The following TNXB variants were observed in gnomAD, a reference collection of about 807,000 sequenced individuals.
The protein encoded by TNXB is tenascin-X.
TNXB carries 183 observed loss-of-function variants against 340.5 expected under a neutral mutation model. That is an observed-to-expected ratio of 0.54 (90% CI 0.48 to 0.61). The LOEUF is 0.61. TNXB is among the 20% of genes least tolerant of loss of function. The pLI is 0.00. For synonymous variants in TNXB, 2,121 were observed against 2,314.5 expected, an observed-to-expected ratio of 0.92 and a Z score of 2.40; for missense variants, 4,613 against 5,446.4, an observed-to-expected ratio of 0.85 and a Z score of 4.82.
intron 11 of TNXB, among the ~76,000 whole-genome samples, chr6:32,077,406 A>C (rs1779138854): frequency 1.3e-5 from 2 of 152,394 alleles, no homozygotes; most frequent in South Asian, 4.1e-4. Flanking sequence ...AATTACAGAA[A>C]CCATGTTCTG....
At position 32,084,513 on chromosome 6, in the gene TNXB, G is replaced by A. The variant is rs370808102; in HGVS notation, c.3345C>T (p.Ala1115=). ...GGCCAGGATCCAGGGAGGTGATGAC[G>A]GCCGAGCGCTGGGGTCCTTCCACGG... ...VVPVEGPQRS[A]VITSLDPGRK... Residue 1115 remains alanine, a synonymous_variant, in exon 8 of 44, where the codon GCC becomes GCT. Coordinates refer to ENST00000644971, the MANE Select transcript of TNXB (RefSeq NM_001365276.2). This position sits in a 1 kb window ranked among gnomAD's most constrained non-coding sequence, Gnocchi z 5.5. 317 of 1,608,918 alleles carry A rather than the reference G, an allele frequency of 2.0e-4. No homozygotes were observed. The highest frequency in any genetic ancestry group is 1.8e-3 in the African/African-American group (135 of 75,006).
chr6:32,102,462 A>G lies in TNXB; in HGVS notation c.-8-4256T>C, dbSNP rs117481809. Reference sequence around the variant, plus strand: ...ACTATACAGCAATAAAAAACACCCTATTGCTACATGCAACATGGGTGAATT... The same window carrying G: ...ACTATACAGCAATAAAAAACACCCTGTTGCTACATGCAACATGGGTGAATT... On this transcript the variant is annotated intron_variant, in intron 1 of 43. Transcript: ENST00000644971. 4.8e-3 allele frequency among the ~76,000 whole-genome samples: 736 copies of G among 152,352 alleles called. 5 individuals carry two copies. The highest frequency in any genetic ancestry group is 0.02 in the Middle Eastern group (6 of 294).
At position 32,084,357 on chromosome 6, in the gene TNXB, C is replaced by G. The variant is rs545309809; in HGVS notation, c.3445+56G>C. The G allele has an allele frequency of 6.7e-7, 1 of 1,483,800 alleles. No individual in the cohort carries two copies. Among genetic ancestry groups the G allele is most frequent in the African/African-American group, 1.4e-5 (1 of 71,826 alleles). 91.9% of individuals were successfully genotyped at this position (1,483,800 alleles called of 1,614,324 possible). A position where few individuals can be genotyped will look rare whatever the true frequency, so the allele number is the denominator to read the frequency against. ...GCTCCCAAAGCAGGTTCCCAAAGCACTGAGAAAACCTCTTCAGGGCAGTAC... is the reference window on the plus strand; with the variant it reads ...GCTCCCAAAGCAGGTTCCCAAAGCAGTGAGAAAACCTCTTCAGGGCAGTAC... On this transcript the variant is annotated intron_variant, in intron 8 of 43. Transcript: ENST00000644971. The surrounding 1 kb of genome is among the most constrained non-coding windows in gnomAD (Gnocchi z 5.5).
At chr6:32,054,324 C>T (rs902166628) in intron 24 of TNXB, among the ~76,000 whole-genome samples, 1 of 152,214 alleles carries the variant, frequency 6.6e-6, no homozygotes, top group African/African-American at 2.4e-5. Flanking sequence ...CACACAGGCA[C>T]AGCTGCTGGG....
At position 32,085,691 on chromosome 6, in the gene TNXB, A is replaced by G. The variant is rs1201429115; in HGVS notation, c.3148+59T>C. 1.4e-6 allele frequency: 2 copies of G among 1,473,846 alleles called. No homozygotes were observed. Among genetic ancestry groups the G allele is most frequent in the Non-Finnish European group, 1.8e-6 (2 of 1,111,494 alleles). 91.3% of individuals were successfully genotyped at this position (1,473,846 alleles called of 1,614,324 possible). A position where few individuals can be genotyped will look rare whatever the true frequency, so the allele number is the denominator to read the frequency against. ...TATCCATCCTACCTCTGAAGTCCCA[A>G]TAACCCCAGCTCCTCCCCCAATCTC... On this transcript the variant is annotated intron_variant, in intron 7 of 43. Transcript: ENST00000644971. This position sits in a 1 kb window ranked among gnomAD's most constrained non-coding sequence, Gnocchi z 6.4.
intron 13 of TNXB, among the ~76,000 whole-genome samples, chr6:32,071,461 C>T (rs933809644): frequency 9.2e-5 from 14 of 152,126 alleles, no homozygotes; most frequent in Admixed American, 2.0e-4. Flanking sequence ...CCTGTAGGGG[C>T]TTCCCTCATC....
rs761274803 is a variant in TNXB, at chr6:32,087,342, G to T, written c.2780-1224C>A. 1 of 484,474 alleles carries T rather than the reference G, an allele frequency of 2.1e-6. No individual in the cohort carries two copies. Among genetic ancestry groups the T allele is most frequent in the Admixed American group, 2.2e-5 (1 of 45,996 alleles). 30.0% of individuals were successfully genotyped at this position (484,474 alleles called of 1,614,324 possible). A position where few individuals can be genotyped will look rare whatever the true frequency, so the allele number is the denominator to read the frequency against. On this transcript the variant is annotated intron_variant, in intron 6 of 43. Coordinates refer to ENST00000644971, the MANE Select transcript of TNXB (RefSeq NM_001365276.2). The surrounding 1 kb of genome is among the most constrained non-coding windows in gnomAD (Gnocchi z 9.0). ...GGTAGGTGGTGCCGGGCCTGAGGTC[G>T]GGCAGGCTGACGGTGCGCGTGGTGC...
chr6:32,092,760 G>A (rs1780137963), intron 4 of TNXB, among the ~76,000 whole-genome samples: 1 of 152,156 alleles, frequency 6.6e-6, no homozygotes, highest in Non-Finnish European at 1.5e-5. Flanking sequence ...AAGGTACGAT[G>A]CCAGGGACCA....
chr6:32,104,134 G>A (rs1780862400), intron 1 of TNXB, among the ~76,000 whole-genome samples: 1 of 152,160 alleles, frequency 6.6e-6, no homozygotes, highest in Non-Finnish European at 1.5e-5. Flanking sequence ...CCAAGTAAGT[G>A]AATTTTACTC....
At chr6:32,044,271 C>T in intron 33 of TNXB, 110 bp downstream of exon 33, 3 of 534,738 alleles carry the variant, frequency 5.6e-6, no homozygotes, top group South Asian at 2.1e-5. Flanking sequence ...CTGCAGATTC[C>T]TCCAGGCCCA....
chr6:32,067,539 C>A lies in TNXB; in HGVS notation c.6544+122G>T. 1 of 1,328,436 alleles carries A rather than the reference C, an allele frequency of 7.5e-7. No homozygotes were observed. The allele number at this position is 1,328,436 out of a possible 1,614,324, so 82.3% of individuals were successfully genotyped here. A position where few individuals can be genotyped will look rare whatever the true frequency, so the allele number is the denominator to read the frequency against. ...TCCCCAGATCACACCTGTCCTGAGC[C>A]TTTAGTGAACAGGGTGTATTACAGG... On this transcript the variant is annotated intron_variant, in intron 18 of 43. Coordinates refer to ENST00000644971, the MANE Select transcript of TNXB (RefSeq NM_001365276.2). The surrounding 1 kb of genome is among the most constrained non-coding windows in gnomAD (Gnocchi z 4.2).
At chr6:32,106,460 ATG>A (rs1780985385) in intron 1 of TNXB, among the ~76,000 whole-genome samples, 2 of 151,768 alleles carry the variant, frequency 1.3e-5, no homozygotes, top group Admixed American at 1.3e-4. Flanking sequence ...GGAGTGGGGG[ATG>A]TGTCACTGGT....
intron 1 of TNXB, among the ~76,000 whole-genome samples, chr6:32,102,256 A>T (rs1377881477): frequency 1.3e-5 from 2 of 152,174 alleles, no homozygotes; most frequent in African/African-American, 2.4e-5. Flanking sequence ...GCTAAAACAT[A>T]TAGTCTATAA....
At position 32,095,893 on chromosome 6, in the gene TNXB, C is replaced by T. The variant is rs377456122; in HGVS notation, c.1960G>A (p.Ala654Thr). 1.2e-6 allele frequency: 2 copies of T among 1,612,666 alleles called. No homozygotes were observed. The highest frequency in any genetic ancestry group is 1.7e-6 in the Non-Finnish European group (2 of 1,179,458). ...GPTCATRMCP[A>T]DCRGRGRCVQ... ...CACCGCCCACGTCCCCGGCAGTCAGCCGGGCACATGCGGGTGGCACAGGTA... is the reference window on the plus strand; with the variant it reads ...CACCGCCCACGTCCCCGGCAGTCAGTCGGGCACATGCGGGTGGCACAGGTA... Residue 654 changes from alanine to threonine, a missense_variant, in exon 3 of 44, where the codon GCT (alanine) becomes ACT (threonine). By Grantham distance (58) the Ala-to-Thr change is moderately conservative (BLOSUM62 0). Around this residue, in one of 7 missense-constraint regions of TNXB, gnomAD observed 4,327 missense variants for 4,859.4 expected, o/e 0.89. Transcript: ENST00000644971.
chr6:32,079,054 C>A lies in TNXB; in HGVS notation c.4354G>T (p.Val1452Leu), dbSNP rs542750932. 6.2e-7 allele frequency: 1 copy of A among 1,612,612 alleles called. No homozygotes were observed. The highest frequency in any genetic ancestry group is 8.5e-7 in the Non-Finnish European group (1 of 1,179,538). ...TCACCTGTCACGCCCACGGCGGACACCGGGCCCACGCGCTGCCCCTCGTGG... is the reference window on the plus strand; with the variant it reads ...TCACCTGTCACGCCCACGGCGGACAACGGGCCCACGCGCTGCCCCTCGTGG... ...GLHEGQRVGPVSAVGVTAPQQ... is the reference protein window; with the variant it reads ...GLHEGQRVGPLSAVGVTAPQQ... Residue 1452 changes from valine to leucine, a missense_variant, in exon 11 of 44, where the codon GTG becomes TTG. Physicochemically the swap from Val to Leu is conservative, Grantham distance 32. Coordinates refer to ENST00000644971, the MANE Select transcript of TNXB (RefSeq NM_001365276.2). The surrounding 1 kb of genome is among the most constrained non-coding windows in gnomAD (Gnocchi z 7.1).
Position 32,052,589 on chromosome 6 carries a change from G to C in TNXB, c.9115+81C>G. Reference sequence around the variant, plus strand: ...CACAAAGGAAGGAATACTCTTCAGAGTATGTTTTCACGAAGACTGGAGAGA... The same window carrying C: ...CACAAAGGAAGGAATACTCTTCAGACTATGTTTTCACGAAGACTGGAGAGA... On this transcript the variant is annotated intron_variant, in intron 26 of 43. Transcript: ENST00000644971. This position sits in a 1 kb window ranked among gnomAD's most constrained non-coding sequence, Gnocchi z 4.7. 6.5e-7 allele frequency: 1 copy of C among 1,543,530 alleles called. No homozygotes were observed. The highest frequency in any genetic ancestry group is 1.2e-5 in the South Asian group (1 of 84,426).
chr6:32,056,893 G>A lies in TNXB; in HGVS notation c.7836C>T (p.Ala2612=), dbSNP rs202137866. The A allele has an allele frequency of 6.8e-6, 11 of 1,611,042 alleles. No individual in the cohort carries two copies. Among genetic ancestry groups the A allele is most frequent in the African/African-American group, 1.3e-5 (1 of 74,828 alleles). The change falls in exon 23 of 44, where the codon GCC becomes GCT. Residue 2612 remains alanine, a synonymous_variant. Coordinates refer to ENST00000644971, the MANE Select transcript of TNXB (RefSeq NM_001365276.2). ...VSAVGVTEDE[A]ETTQAVPTMT... is the part of the protein sequence containing the mutation. The stretch of plus-strand genomic sequence containing the variant: ...TGGTAGGCACTGCTTGGGTGGTCTC[G>A]GCTTCATCCTCTGGAGTTGGACAGA...
chr6:32,068,011 G>C lies in TNXB; in HGVS notation c.6221-27C>G. The C allele has an allele frequency of 3.7e-6, 6 of 1,603,520 alleles. No homozygotes were observed. The highest frequency in any genetic ancestry group is 5.1e-6 in the Non-Finnish European group (6 of 1,173,652). On this transcript the variant is annotated intron_variant, in intron 17 of 43. Transcript: ENST00000644971. The surrounding 1 kb of genome is among the most constrained non-coding windows in gnomAD (Gnocchi z 5.3). ...TGAGAAGGAGGAAGAGAGAGTGAGG[G>C]GGATGTCCTTGGGTACTGGGGAAAA...
In TNXB at chr6:32,084,311, C is replaced by T. The variant is rs1265043161; in HGVS notation, c.3445+102G>A. On this transcript the variant is annotated intron_variant, in intron 8 of 43. Transcript: ENST00000644971. The surrounding 1 kb of genome is among the most constrained non-coding windows in gnomAD (Gnocchi z 5.5). ...TCAGAATTCAGCTCATGCACCACTG[C>T]CTCCAGGAAGCCTTCCCGGAGCTCC... The T allele has an allele frequency of 9.5e-6, 11 of 1,158,892 alleles. No homozygotes were observed. Among genetic ancestry groups the T allele is most frequent in the Non-Finnish European group, 1.3e-5 (11 of 846,728 alleles). 71.8% of individuals were successfully genotyped at this position (1,158,892 alleles called of 1,614,324 possible). A position where few individuals can be genotyped will look rare whatever the true frequency, so the allele number is the denominator to read the frequency against.
Sources: allele counts gnomAD v4.1 joint callset (sites outside exome capture counted in the v4.1 genomes callset), GRCh38; gene constraint gnomAD v4.1.1; regional missense constraint gnomAD v4.1.1; non-coding constraint Gnocchi (gnomAD v3.1); transcripts MANE v1.5; gene names NCBI Gene and HGNC (gene_info 2026-07-23, HGNC 2026-07-21).